DLGAP1: variants seen among roughly 807,000 people sequenced by gnomAD.
The protein encoded by DLGAP1 is DLG associated protein 1, also known as disks large-associated protein 1.
Under a neutral mutation model 90.8 loss-of-function variants are expected in DLGAP1, and 11 were observed. The ratio of observed to expected loss-of-function variants is 0.12; its 90% CI spans 0.08 to 0.20. DLGAP1 has a LOEUF of 0.20. Among genes scored for constraint, DLGAP1 ranks in the 10% least tolerant of loss-of-function variants. The probability of loss-of-function intolerance (pLI) is 1.00; values close to 1 mark genes in which losing one functional copy is unlikely to be tolerated. For missense variants in DLGAP1, 1,050 were observed against 1,333.8 expected, an observed-to-expected ratio of 0.79 and a Z score of 3.31; for synonymous variants, 558 against 540.7, an observed-to-expected ratio of 1.03 and a Z score of -0.44.
At chr18:3,946,525 T>C (rs537650868) in intron 3 of DLGAP1, among the ~76,000 whole-genome samples, 2 of 152,362 alleles carry the variant, frequency 1.3e-5, no homozygotes, top group South Asian at 2.1e-4. Flanking sequence ...ATTATTTGTA[T>C]GCTTTATTAC....
At chr18:3,860,259 T>A (rs545459077) in intron 4 of DLGAP1, among the ~76,000 whole-genome samples, 3 of 152,130 alleles carry the variant, frequency 2.0e-5, no homozygotes, top group Non-Finnish European at 4.4e-5. Context: ...TTTTGCAATG[T>A]CTCTTAAATC....
chr18:4,385,357 A>G (rs2082208949), intron 1 of DLGAP1, among the ~76,000 whole-genome samples: 1 of 152,164 alleles, frequency 6.6e-6, no homozygotes. Flanking sequence ...TGTTCAGGAA[A>G]AGTTAGCTCT....
At chr18:4,234,365 T>C (rs2078361553) in intron 1 of DLGAP1, among the ~76,000 whole-genome samples, 1 of 152,148 alleles carries the variant, frequency 6.6e-6, no homozygotes, top group African/African-American at 2.4e-5. Flanking sequence ...TAAATTTAAT[T>C]TCTATTTCCA....
chr18:4,279,386 A>G (rs2079496122), intron 1 of DLGAP1, among the ~76,000 whole-genome samples: 1 of 152,234 alleles, frequency 6.6e-6, no homozygotes, highest in African/African-American at 2.4e-5. Context: ...AGATACACCA[A>G]GTAATATGTT....
At chr18:4,430,336 C>T (rs542155428) in intron 1 of DLGAP1, among the ~76,000 whole-genome samples, 5 of 151,986 alleles carry the variant, frequency 3.3e-5, no homozygotes, top group Non-Finnish European at 7.4e-5. Flanking sequence ...TATTCACTTC[C>T]CCCAAATTAA....
chr18:4,179,498 A>G (rs1010914208), intron 1 of DLGAP1, among the ~76,000 whole-genome samples: 1 of 152,156 alleles, frequency 6.6e-6, no homozygotes, highest in Non-Finnish European at 1.5e-5. Context: ...GTGCCTATTG[A>G]GTACCACGCA....
chr18:4,005,723 A>C lies in DLGAP1; in HGVS notation c.-158-522T>G, dbSNP rs559658026. ...TGCTCTGATAGGAGCCTTCTCCATCACACCTGGCCCACAGCAATCAAGTGC... is the reference window on the plus strand; with the variant it reads ...TGCTCTGATAGGAGCCTTCTCCATCCCACCTGGCCCACAGCAATCAAGTGC... On this transcript the variant is annotated intron_variant, in intron 2 of 12. Transcript: ENST00000315677. 3.3e-5 allele frequency among the ~76,000 whole-genome samples: 5 copies of C among 152,232 alleles called. No individual in the cohort carries two copies. In the South Asian group the frequency reaches 1.0e-3, roughly 32 times the overall value.
intron 11 of DLGAP1, among the ~76,000 whole-genome samples, chr18:3,505,999 G>A (rs2050192471): frequency 6.6e-6 from 1 of 152,190 alleles, no homozygotes; most frequent in South Asian, 2.1e-4. Context: ...CACTTTGGGA[G>A]GCCGAGGAGG....
Position 3,653,796 on chromosome 18 carries a change from TG to T in DLGAP1, c.1592-71549del, listed in dbSNP as rs2059392733. 6.6e-6 allele frequency: 1 copy of T among 152,140 alleles called. No individual in the cohort carries two copies. Among genetic ancestry groups the T allele is most frequent in the South Asian group, 2.1e-4 (1 of 4,830 alleles). 9.4% of individuals were successfully genotyped at this position (152,140 alleles called of 1,614,324 possible). On this transcript the variant is annotated intron_variant, in intron 7 of 12. Transcript: ENST00000315677. This position sits in a 1 kb window ranked among gnomAD's most constrained non-coding sequence, Gnocchi z 4.6. Reference sequence around the variant, plus strand: ...AGGAAAGCGGTTTCATTTCTGACAGTGGATTTCTTCCACTGATGTGCACACT... The same window carrying T: ...AGGAAAGCGGTTTCATTTCTGACAGTGATTTCTTCCACTGATGTGCACACT...
At chr18:3,788,887 A>G (rs1396394215) in intron 5 of DLGAP1, among the ~76,000 whole-genome samples, 1 of 152,266 alleles carries the variant, frequency 6.6e-6, no homozygotes, top group Non-Finnish European at 1.5e-5. Flanking sequence ...CAAAACAGTG[A>G]AAACACATGC....
At chr18:4,154,543 C>A (rs544711242) in intron 1 of DLGAP1, among the ~76,000 whole-genome samples, 1 of 151,924 alleles carries the variant, frequency 6.6e-6, no homozygotes. Context: ...GCTGAGAGTG[C>A]GGAGAAGGAA....
At chr18:4,385,692 C>T (rs1434299565) in intron 1 of DLGAP1, among the ~76,000 whole-genome samples, 1 of 152,132 alleles carries the variant, frequency 6.6e-6, no homozygotes, top group Non-Finnish European at 1.5e-5. Flanking sequence ...CTGTCACCAT[C>T]CAGAGACTTC....
chr18:3,956,107 G>A (rs1438873647), intron 3 of DLGAP1, among the ~76,000 whole-genome samples: 1 of 152,130 alleles, frequency 6.6e-6, no homozygotes, highest in Non-Finnish European at 1.5e-5. Context: ...GAGGAAAATT[G>A]CACAAAGGCA....
intron 7 of DLGAP1, chr18:3,603,782 A>G (rs954810324): frequency 6.5e-6 from 1 of 154,380 alleles, no homozygotes; most frequent in Non-Finnish European, 1.5e-5. Context: ...TCCTGTTGAC[A>G]TCTCATTTAC....
chr18:4,217,442 C>G (rs1044111076), intron 1 of DLGAP1, among the ~76,000 whole-genome samples: 1 of 152,074 alleles, frequency 6.6e-6, no homozygotes, highest in African/African-American at 2.4e-5. Context: ...GTAAGTGACA[C>G]TGTTTTCCAA....
chr18:3,940,789 T>G (rs575981897), intron 3 of DLGAP1, among the ~76,000 whole-genome samples: 1 of 152,356 alleles, frequency 6.6e-6, no homozygotes, highest in South Asian at 2.1e-4. Context: ...GAAAAATCAT[T>G]GCCTTACTTT....
intron 5 of DLGAP1, among the ~76,000 whole-genome samples, chr18:3,799,230 G>A (rs1057464665): frequency 6.6e-6 from 1 of 152,252 alleles, no homozygotes; most frequent in Admixed American, 6.5e-5. Context: ...CTCACATAAG[G>A]CTGCAAATTT....
At chr18:3,646,841 C>G (rs1473313272) in intron 7 of DLGAP1, among the ~76,000 whole-genome samples, 1 of 152,140 alleles carries the variant, frequency 6.6e-6, no homozygotes, top group African/African-American at 2.4e-5. Flanking sequence ...AGGAGAATGG[C>G]TTGAACCCGG....
intron 1 of DLGAP1, among the ~76,000 whole-genome samples, chr18:4,292,989 A>G (rs1170065844): frequency 6.6e-6 from 1 of 152,216 alleles, no homozygotes. Flanking sequence ...TGAAAGGTTG[A>G]CATTTACTTA....
Sources: gnomAD v4.1 joint callset for allele counts (sites outside exome capture counted in the v4.1 genomes callset) on GRCh38, gnomAD v4.1.1 for gene constraint, Gnocchi (gnomAD v3.1) non-coding constraint, MANE v1.5 for transcripts, NCBI Gene and HGNC (gene_info 2026-07-23, HGNC 2026-07-21) for gene names.